Variants in LRBA observed in about 807,000 individuals in gnomAD.
The protein encoded by LRBA is lipopolysaccharide-responsive and beige-like anchor protein.
In LRBA, 176 loss-of-function variants were observed where a neutral mutation model predicts 330.0. That is an observed-to-expected ratio of 0.53 (90% CI 0.47 to 0.60). The LOEUF is 0.60. LRBA is among the 20% of genes least tolerant of loss of function. The pLI is 0.00. For missense variants in LRBA, 3,259 were observed against 3,444.8 expected, an observed-to-expected ratio of 0.95 and a Z score of 1.35; for synonymous variants, 1,230 against 1,193.0, an observed-to-expected ratio of 1.03 and a Z score of -0.64.
intron 52 of LRBA, among the ~76,000 whole-genome samples, chr4:150,307,226 A>G (rs1280688110): frequency 6.6e-6 from 1 of 152,076 alleles, no homozygotes; most frequent in Non-Finnish European, 1.5e-5. Context: ...AAAAGGCACA[A>G]CTAAAGATGA....
At chr4:150,687,158 AT>A (rs1377038485) in intron 36 of LRBA, among the ~76,000 whole-genome samples, 11 of 152,150 alleles carry the variant, frequency 7.2e-5, no homozygotes, top group African/African-American at 2.7e-4. Flanking sequence ...AACTTGTAAT[AT>A]TTTTTAAATG....
intron 49 of LRBA, among the ~76,000 whole-genome samples, chr4:150,323,052 G>C (rs909456261): frequency 1.6e-5 from 2 of 128,788 alleles, no homozygotes; most frequent in South Asian, 4.8e-4. Context: ...TGATGGGGGA[G>C]CTCATCTGAA....
At chr4:150,401,879 A>G (rs1436597834) in intron 47 of LRBA, among the ~76,000 whole-genome samples, 1 of 152,072 alleles carries the variant, frequency 6.6e-6, no homozygotes, top group Non-Finnish European at 1.5e-5. Context: ...GTGAGTATAT[A>G]TACATATACT....
intron 37 of LRBA, among the ~76,000 whole-genome samples, chr4:150,643,441 G>T (rs563202676): frequency 6.6e-6 from 1 of 151,938 alleles, no homozygotes; most frequent in Admixed American, 6.6e-5. Context: ...AGGAAAGTAG[G>T]TGGAAGAAGA....
In LRBA at chr4:150,759,413, A is replaced by G. The variant is rs574149585; in HGVS notation, c.5645+2370T>C. Among the ~76,000 whole-genome samples, 4 of 152,324 alleles carry G rather than the reference A, an allele frequency of 2.6e-5. No individual in the cohort carries two copies. In the East Asian group the frequency reaches 5.8e-4, roughly 22 times the overall value. On this transcript the variant is annotated intron_variant, in intron 35 of 56. Coordinates refer to ENST00000651943, the MANE Select transcript of LRBA (RefSeq NM_001364905.1). The stretch of plus-strand genomic sequence containing the variant: ...GCTATATTGGCCTCATTCCTCAAAT[A>G]CACCACAGAAGCTCTCACTTGTACA...
At chr4:150,822,916 A>C (rs1245188296) in intron 30 of LRBA, among the ~76,000 whole-genome samples, 3 of 152,160 alleles carry the variant, frequency 2.0e-5, no homozygotes, top group Non-Finnish European at 4.4e-5. Flanking sequence ...ATGGTGGCAC[A>C]CATCAGTAAT....
intron 44 of LRBA, among the ~76,000 whole-genome samples, chr4:150,464,706 T>A (rs1326479642): frequency 1.3e-5 from 2 of 152,042 alleles, no homozygotes; most frequent in Non-Finnish European, 2.9e-5. Flanking sequence ...ACTAGCTTGT[T>A]AAGGATGACC....
rs559611439 is a variant in LRBA, at chr4:150,843,164, T to G, written c.4569+936A>C. On this transcript the variant is annotated intron_variant, in intron 28 of 56. Coordinates refer to ENST00000651943, the MANE Select transcript of LRBA (RefSeq NM_001364905.1). Reference sequence around the variant, plus strand: ...CAGTGGTCTGGGGGTTGGGGACCCCTGATAAGAGCATCCAGTATCATGTTT... The same window carrying G: ...CAGTGGTCTGGGGGTTGGGGACCCCGGATAAGAGCATCCAGTATCATGTTT... Among the ~76,000 whole-genome samples, 8 of 152,256 alleles carry G rather than the reference T, an allele frequency of 5.3e-5. No individual in the cohort carries two copies. In the East Asian group the frequency reaches 1.4e-3, roughly 26 times the overall value.
intron 2 of LRBA, among the ~76,000 whole-genome samples, chr4:150,961,318 T>C (rs868238834): frequency 1.8e-4 from 27 of 149,308 alleles, no homozygotes; most frequent in Middle Eastern, 3.4e-3. Flanking sequence ...GAACTCATAT[T>C]TGCAGGCCTA....
At chr4:150,503,051 C>T (rs1474271701) in intron 40 of LRBA, among the ~76,000 whole-genome samples, 3 of 152,206 alleles carry the variant, frequency 2.0e-5, no homozygotes, top group African/African-American at 7.2e-5. Context: ...ACAAAGCAGC[C>T]AGGAAGCTCG....
At chr4:150,538,637 A>AG (rs1393982269) in intron 40 of LRBA, among the ~76,000 whole-genome samples, 2 of 151,962 alleles carry the variant, frequency 1.3e-5, no homozygotes, top group Non-Finnish European at 2.9e-5. Context: ...AGACTACTAA[A>AG]GGGGGGAGAT....
chr4:150,972,519 C>CA (rs1739695277), intron 2 of LRBA, among the ~76,000 whole-genome samples: 2 of 152,196 alleles, frequency 1.3e-5, no homozygotes. Context: ...GATCATTATA[C>CA]ATTCTACGCA....
intron 37 of LRBA, among the ~76,000 whole-genome samples, chr4:150,640,392 A>G (rs908442461): frequency 6.6e-6 from 1 of 152,178 alleles, no homozygotes; most frequent in Non-Finnish European, 1.5e-5. Flanking sequence ...TATGTCTTTT[A>G]GCATAGTTAT....
chr4:150,710,447 C>T (rs1349872531), intron 36 of LRBA, among the ~76,000 whole-genome samples: 1 of 151,568 alleles, frequency 6.6e-6, no homozygotes, highest in African/African-American at 2.4e-5. Flanking sequence ...GAAAAGAAGT[C>T]ACAAAGACAA....
intron 53 of LRBA, among the ~76,000 whole-genome samples, chr4:150,292,593 C>T (rs1003682722): frequency 6.6e-6 from 1 of 152,156 alleles, no homozygotes; most frequent in African/African-American, 2.4e-5. Context: ...GCCAGAAAAT[C>T]ACATATCCCA....
At chr4:150,598,981 T>A (rs754151407) in intron 38 of LRBA, 26 bp downstream of exon 38, 5 of 1,612,738 alleles carry the variant, frequency 3.1e-6, no homozygotes, top group African/African-American at 1.3e-5. Flanking sequence ...CTGCTGCTAT[T>A]GGCAAGGAAT....
intron 37 of LRBA, among the ~76,000 whole-genome samples, chr4:150,625,386 G>A (rs1776748433): frequency 6.6e-6 from 1 of 152,138 alleles, no homozygotes; most frequent in Admixed American, 6.5e-5. Flanking sequence ...GCTTTTTCAA[G>A]GAGCAGGCAG....
intron 37 of LRBA, among the ~76,000 whole-genome samples, chr4:150,655,545 A>G (rs537728351): frequency 2.6e-5 from 4 of 152,336 alleles, no homozygotes; most frequent in Admixed American, 2.0e-4. Flanking sequence ...TGCTTTCACT[A>G]CAAGCTTGTG....
intron 37 of LRBA, among the ~76,000 whole-genome samples, chr4:150,671,840 A>T (rs1782092452): frequency 2.0e-5 from 3 of 152,306 alleles, no homozygotes; most frequent in South Asian, 4.1e-4. Flanking sequence ...CAACACAGGG[A>T]AAGCAAGGTC....
Sources: gnomAD v4.1 joint callset for allele counts (sites outside exome capture counted in the v4.1 genomes callset) on GRCh38, gnomAD v4.1.1 for gene constraint, MANE v1.5 for transcripts, NCBI Gene and HGNC (gene_info 2026-07-23, HGNC 2026-07-21) for gene names.